Variants in KPNA6 observed in about 807,000 individuals in gnomAD.
KPNA6 encodes the protein importin subunit alpha-7.
In KPNA6, 9 loss-of-function variants were observed where a neutral mutation model predicts 72.0. The observed-to-expected ratio is 0.13, with a 90% CI of 0.08 to 0.22. The LOEUF (loss-of-function observed/expected upper bound fraction) is 0.22. KPNA6 is among the 10% of genes least tolerant of loss of function. KPNA6 has a pLI of 1.00. For missense variants in KPNA6, 374 were observed against 655.7 expected (o/e 0.57, Z 4.69); for synonymous variants, 219 against 242.1 (o/e 0.90, Z 0.89).
At chr1:32,122,189 G>A (rs1186973805) in intron 1 of KPNA6, among the ~76,000 whole-genome samples, 3 of 151,590 alleles carry the variant, frequency 2.0e-5, no homozygotes, top group South Asian at 4.2e-4. Context: ...CAACAGAATC[G>A]CTTGAACCCA....
At chr1:32,117,608 A>C (rs1019331804) in intron 1 of KPNA6, among the ~76,000 whole-genome samples, 1 of 152,140 alleles carries the variant, frequency 6.6e-6, no homozygotes, top group Non-Finnish European at 1.5e-5. Flanking sequence ...TGGGCAACAT[A>C]GTGAGACCCT....
chr1:32,119,895 C>T (rs916490373), intron 1 of KPNA6, among the ~76,000 whole-genome samples: 60 of 152,176 alleles, frequency 3.9e-4, no homozygotes, highest in African/African-American at 1.4e-3. Flanking sequence ...CAGGCGCTCA[C>T]CACTGCACCT....
chr1:32,171,864 C>T lies in KPNA6; in HGVS notation c.*970C>T, dbSNP rs1642445059. Reference sequence around the variant, plus strand: ...AAGCTTGAGATAGGGGGCTGTGGTCCTTCCTTTCTCCTGAGGAGAAAGTCC... The same window carrying T: ...AAGCTTGAGATAGGGGGCTGTGGTCTTTCCTTTCTCCTGAGGAGAAAGTCC... On this transcript the variant is annotated 3_prime_UTR_variant, in exon 14 of 14. Transcript: ENST00000373625. 1.3e-5 allele frequency: 2 copies of T among 152,124 alleles called. No homozygotes were observed. The highest frequency in any genetic ancestry group is 4.1e-4 in the South Asian group (2 of 4,824). 9.4% of individuals were successfully genotyped at this position (152,124 alleles called of 1,614,324 possible).
intron 1 of KPNA6, among the ~76,000 whole-genome samples, chr1:32,150,455 AT>A (rs1177708845): frequency 6.6e-6 from 1 of 151,622 alleles, no homozygotes; most frequent in Non-Finnish European, 1.5e-5. Flanking sequence ...TTGCTTGTAA[AT>A]GTTTTTCTGT....
At position 32,154,465 on chromosome 1, in the gene KPNA6, C is replaced by A; in HGVS notation, c.5-123C>A. On this transcript the variant is annotated intron_variant, in intron 1 of 13. Coordinates refer to ENST00000373625, the MANE Select transcript of KPNA6 (RefSeq NM_012316.5). ...TAGAGATGTCAGGTGCTATTGAGAG[C>A]TCCCAGAGAGCTGTATTCCCCCCAG... 6.2e-6 allele frequency: 6 copies of A among 972,744 alleles called. No homozygotes were observed. In the Admixed American group the frequency reaches 1.3e-4, roughly 21 times the overall value. 60.3% of individuals were successfully genotyped at this position (972,744 alleles called of 1,614,324 possible). A position where few individuals can be genotyped will look rare whatever the true frequency, so the allele number is the denominator to read the frequency against.
At chr1:32,129,816 A>G (rs561979798) in intron 1 of KPNA6, among the ~76,000 whole-genome samples, 14 of 152,268 alleles carry the variant, frequency 9.2e-5, no homozygotes, top group African/African-American at 3.4e-4. Context: ...TCATACCTCA[A>G]TTGAGAGATT....
Position 32,112,658 on chromosome 1 carries a change from A to G in KPNA6, c.4+4524A>G, listed in dbSNP as rs182762302. Among the ~76,000 whole-genome samples the G allele has an allele frequency of 5.2e-3, 790 of 152,018 alleles. 6 individuals are homozygous for G. Among genetic ancestry groups the G allele is most frequent in the African/African-American group, 0.018 (757 of 41,480 alleles). On this transcript the variant is annotated intron_variant, in intron 1 of 13. Transcript: ENST00000373625. ...CAGGTGCCCACCACCACACCCAGCT[A>G]ATTTTTGTATTTTTAGTAGAGACGG...
rs563590583 is a variant in KPNA6 at position 32,162,146 on chromosome 1, C to T, written c.747+100C>T. The T allele has an allele frequency of 1.1e-5, 11 of 1,020,324 alleles. No homozygotes were observed. In the South Asian group the frequency reaches 1.4e-4, roughly 13 times the overall value. 63.2% of individuals were successfully genotyped at this position (1,020,324 alleles called of 1,614,324 possible). On this transcript the variant is annotated intron_variant, in intron 8 of 13. Coordinates refer to ENST00000373625, the MANE Select transcript of KPNA6 (RefSeq NM_012316.5). The stretch of plus-strand genomic sequence containing the variant: ...CCTTGGAGTCTCAAATCATGGGAAA[C>T]TGAAAGAAGCAATTGTTAGTGAAGT...
At chr1:32,113,062 A>T (rs560755250) in intron 1 of KPNA6, among the ~76,000 whole-genome samples, 1 of 152,156 alleles carries the variant, frequency 6.6e-6, no homozygotes, top group Non-Finnish European at 1.5e-5. Context: ...AGTACTCTCA[A>T]ACCCTGCCAC....
chr1:32,110,246 G>A (rs945884404), intron 1 of KPNA6, among the ~76,000 whole-genome samples: 79 of 151,762 alleles, frequency 5.2e-4, no homozygotes, highest in Admixed American at 9.9e-4. Flanking sequence ...TGTATTTTTA[G>A]TAGAGACAGG....
intron 12 of KPNA6, among the ~76,000 whole-genome samples, chr1:32,169,651 G>A (rs1454198972): frequency 2.0e-5 from 3 of 147,744 alleles, no homozygotes; most frequent in African/African-American, 2.5e-5. Context: ...TAGTAGAGAC[G>A]GGGTTTCACC....
At chr1:32,166,452 C>A (rs1423936358) in intron 11 of KPNA6, among the ~76,000 whole-genome samples, 7 of 139,712 alleles carry the variant, frequency 5.0e-5, no homozygotes, top group African/African-American at 1.9e-4. Context: ...TGGTGAAACC[C>A]CATCTGTACT....
At chr1:32,166,005 A>G (rs1642328375) in intron 10 of KPNA6, 100 bp from the exon 11 acceptor site, 1 of 1,377,562 alleles carries the variant, frequency 7.3e-7, no homozygotes, top group Non-Finnish European at 9.6e-7. Flanking sequence ...CTCAAAAAAA[A>G]AAACAAAAAC....
intron 10 of KPNA6, 52 bp from the exon 11 acceptor site, chr1:32,166,053 A>G: frequency 6.5e-7 from 1 of 1,549,692 alleles, no homozygotes; most frequent in Non-Finnish European, 8.7e-7. Context: ...ACATAAAAAA[A>G]ATTAAAAACA....
In KPNA6 at chr1:32,166,224, A is replaced by G. The variant is rs752895986; in HGVS notation, c.1110A>G (p.Gln370=). The change falls in exon 11 of 14, where the codon CAA becomes CAG. Residue 370 remains glutamine (Q), a synonymous_variant. Transcript: ENST00000373625. ...ATATTACTGCTGGCAACAGGGCTCA[A>G]ATACAGGTAAAACAGGCAGGGAAGT... ...ISNITAGNRA[Q]IQAVIDANIF... 6.2e-6 allele frequency: 10 copies of G among 1,612,814 alleles called. No individual in the cohort carries two copies. Among genetic ancestry groups the G allele is most frequent in the Non-Finnish European group, 7.6e-6 (9 of 1,179,592 alleles).
chr1:32,169,478 ACT>A (rs1417637549), intron 12 of KPNA6, among the ~76,000 whole-genome samples: 1 of 141,724 alleles, frequency 7.1e-6, no homozygotes, highest in Non-Finnish European at 1.5e-5. Flanking sequence ...ACGGAGTCTC[ACT>A]CTGTCGCCCA....
rs560579393 is a variant in KPNA6, at chr1:32,116,036, G to A, written c.4+7902G>A. On this transcript the variant is annotated intron_variant, in intron 1 of 13. Coordinates refer to ENST00000373625, the MANE Select transcript of KPNA6 (RefSeq NM_012316.5). ...TGGGATTACAGGCATAAGCCACTGC[G>A]CTCGGCTCCTTAAACCTTATGAACC... Among the ~76,000 whole-genome samples, 610 of 152,126 alleles carry A rather than the reference G, an allele frequency of 4.0e-3. 3 individuals carry two copies. The highest frequency in any genetic ancestry group is 6.7e-3 in the Non-Finnish European group (454 of 68,008).
chr1:32,154,609 A>G lies in KPNA6; in HGVS notation c.26A>G (p.Lys9Arg). 1 of 1,613,880 alleles carries G rather than the reference A, an allele frequency of 6.2e-7. No homozygotes were observed. Among genetic ancestry groups the G allele is most frequent in the Non-Finnish European group, 8.5e-7 (1 of 1,179,896 alleles). The change falls in exon 2 of 14, where the codon AAA (lysine) becomes AGA (arginine). Residue 9 changes from lysine to arginine, a missense_variant. Coordinates refer to ENST00000373625, the MANE Select transcript of KPNA6 (RefSeq NM_012316.5). Reference protein sequence around the residue: METMASPGKDNYRMKSYKN... With the variant: METMASPGRDNYRMKSYKN... ...CTAGAGACCATGGCGAGCCCAGGGA[A>G]AGACAATTATCGAATGAAGAGCTAT...
At chr1:32,151,854 A>T (rs182134510) in intron 1 of KPNA6, among the ~76,000 whole-genome samples, 1 of 152,378 alleles carries the variant, frequency 6.6e-6, no homozygotes, top group East Asian at 1.9e-4. Flanking sequence ...GGCATTGTTA[A>T]GGAATAATTT....
Sources: gnomAD v4.1 joint callset for allele counts (sites outside exome capture counted in the v4.1 genomes callset) on GRCh38, gnomAD v4.1.1 for gene constraint, MANE v1.5 for transcripts, NCBI Gene and HGNC (gene_info 2026-07-23, HGNC 2026-07-21) for gene names.